Variants in MDGA2 observed in about 807,000 individuals in gnomAD.
MDGA2 encodes the protein MAM domain-containing glycosylphosphatidylinositol anchor protein 2.
A neutral mutation model predicts 117.8 loss-of-function variants in MDGA2; 40 were observed. The ratio of observed to expected loss-of-function variants is 0.34; its 90% confidence interval spans 0.26 to 0.44. MDGA2 has a LOEUF of 0.44. Among genes scored for constraint, MDGA2 ranks in the 20% least tolerant of loss-of-function variants. The pLI, the probability that MDGA2 is intolerant of heterozygous loss-of-function variation, is 1.00. For missense variants in MDGA2, 1,123 were observed against 1,250.6 expected (o/e 0.90, Z 1.54); for synonymous variants, 452 against 439.0 (o/e 1.03, Z -0.37).
intron 1 of MDGA2, among the ~76,000 whole-genome samples, chr14:47,564,527 A>G (rs945134205): frequency 2.6e-5 from 4 of 152,174 alleles, no homozygotes; most frequent in Admixed American, 6.5e-5. Flanking sequence ...ATTCACTACC[A>G]TGAAAGCAGT....
Position 47,269,963 on chromosome 14 carries a change from A to G in MDGA2, c.420+31448T>C, listed in dbSNP as rs558711487. The stretch of plus-strand genomic sequence containing the variant: ...TCCCTGTAGTTGTGATTATTACATT[A>G]TGACTTGATTACTAACTATTACTGC... On this transcript the variant is annotated intron_variant, in intron 2 of 16. Transcript: ENST00000399232. 3.0e-4 allele frequency among the ~76,000 whole-genome samples: 46 copies of G among 152,274 alleles called. 2 individuals are homozygous for G. In the South Asian group the frequency reaches 8.9e-3, roughly 30 times the overall value.
intron 1 of MDGA2, among the ~76,000 whole-genome samples, chr14:47,370,814 A>T (rs1322304648): frequency 6.6e-6 from 1 of 151,484 alleles, no homozygotes; most frequent in African/African-American, 2.4e-5. Context: ...CAAATAATAC[A>T]TCCTCTTCTG....
intron 6 of MDGA2, among the ~76,000 whole-genome samples, chr14:47,096,234 C>A (rs1374057679): frequency 6.6e-6 from 1 of 151,986 alleles, no homozygotes. Flanking sequence ...CACTACTCGA[C>A]CTATAAGACC....
Position 47,139,831 on chromosome 14 carries a change from CAT to C in MDGA2, c.792+4245_792+4246del, listed in dbSNP as rs576039938. ...ATATATATACACACATATATATACACATATATATATACACACATATATATACA... is the reference window on the plus strand; with the variant it reads ...ATATATATACACACATATATATACACATATATATACACACATATATATACA... On this transcript the variant is annotated intron_variant, in intron 4 of 16. Coordinates refer to ENST00000399232, the MANE Select transcript of MDGA2 (RefSeq NM_001113498.3). 1.3e-3 allele frequency among the ~76,000 whole-genome samples: 187 copies of C among 143,064 alleles called. 2 individuals carry two copies. The highest frequency in any genetic ancestry group is 4.0e-3 in the African/African-American group (153 of 38,590). 93.9% of individuals were successfully genotyped at this position (143,064 alleles called of 152,430 possible).
chr14:47,061,430 T>G lies in MDGA2; in HGVS notation c.1344A>C (p.Pro448=). The G allele has an allele frequency of 6.2e-7, 1 of 1,613,640 alleles. No homozygotes were observed. Among genetic ancestry groups the G allele is most frequent in the Non-Finnish European group, 8.5e-7 (1 of 1,179,650 alleles). Residue 448 remains proline (P), a synonymous_variant, in exon 7 of 17, where the codon CCA becomes CCC. Coordinates refer to ENST00000399232, the MANE Select transcript of MDGA2 (RefSeq NM_001113498.3). ...TGACCATCCGCTCAGAACTTCTTAA[T>G]GGACGACCATTTTTAAACCAACTAA... ...LTFSWFKNGR[P]LRSSERMVIT...
intron 1 of MDGA2, among the ~76,000 whole-genome samples, chr14:47,659,156 C>A (rs950767157): frequency 6.6e-6 from 1 of 152,186 alleles, no homozygotes; most frequent in African/African-American, 2.4e-5. Context: ...ATTCCTATTT[C>A]TCTAGGCTAA....
chr14:47,049,477 A>G (rs1005894145), intron 7 of MDGA2, among the ~76,000 whole-genome samples: 3 of 152,070 alleles, frequency 2.0e-5, no homozygotes, highest in Non-Finnish European at 4.4e-5. Flanking sequence ...GTAGTACTAT[A>G]TTAGTTTTTA....
chr14:46,873,743 T>A (rs1349468979), intron 13 of MDGA2, 152 bp from the exon 14 acceptor site: 3 of 668,118 alleles, frequency 4.5e-6, no homozygotes, highest in East Asian at 3.0e-5. Flanking sequence ...TATATGTAAC[T>A]AATAGTGGCT....
chr14:47,059,002 G>A, intron 7 of MDGA2: 1 of 997,776 alleles, frequency 1.0e-6, no homozygotes, highest in East Asian at 1.1e-4. Flanking sequence ...CCTGTCTTTG[G>A]GAGTGATAAA....
At chr14:47,395,576 C>G (rs1439100889) in intron 1 of MDGA2, among the ~76,000 whole-genome samples, 1 of 151,768 alleles carries the variant, frequency 6.6e-6, no homozygotes, top group African/African-American at 2.4e-5. Context: ...TGATGTTATT[C>G]AATATGAACT....
chr14:47,298,342 A>C (rs1008472781), intron 2 of MDGA2, among the ~76,000 whole-genome samples: 8 of 152,214 alleles, frequency 5.3e-5, no homozygotes, highest in Non-Finnish European at 1.5e-5. Flanking sequence ...ATACCATAAA[A>C]AAAATTAAAG....
intron 9 of MDGA2, among the ~76,000 whole-genome samples, chr14:46,952,762 G>A (rs1289715535): frequency 6.6e-6 from 1 of 151,956 alleles, no homozygotes; most frequent in Admixed American, 6.6e-5. Flanking sequence ...CCACAAATGT[G>A]TGATGATTTG....
chr14:47,389,238 A>C (rs1292125881), intron 1 of MDGA2, among the ~76,000 whole-genome samples: 1 of 152,172 alleles, frequency 6.6e-6, no homozygotes, highest in African/African-American at 2.4e-5. Context: ...GATCCATGAA[A>C]TGAAAAAATA....
intron 11 of MDGA2, among the ~76,000 whole-genome samples, chr14:46,878,968 A>G (rs1197604498): frequency 1.3e-5 from 2 of 152,114 alleles, no homozygotes; most frequent in Admixed American, 6.6e-5. Context: ...GAAAATTTGC[A>G]CAAACTTCTA....
intron 1 of MDGA2, among the ~76,000 whole-genome samples, chr14:47,375,536 C>T (rs80343223): frequency 6.6e-6 from 1 of 151,854 alleles, no homozygotes. Context: ...TAATGTCAGA[C>T]CTTAAAAAAA....
intron 1 of MDGA2, among the ~76,000 whole-genome samples, chr14:47,604,568 G>A (rs1324540926): frequency 2.8e-5 from 4 of 141,446 alleles, no homozygotes; most frequent in African/African-American, 1.1e-4. Context: ...GGCTTCAAGT[G>A]ATCCTCTAGT....
chr14:46,922,105 G>A (rs1884155873), intron 9 of MDGA2, among the ~76,000 whole-genome samples: 1 of 150,620 alleles, frequency 6.6e-6, no homozygotes, highest in Admixed American at 6.6e-5. Context: ...TAAAAAGGCG[G>A]GGGGGCAAAC....
intron 3 of MDGA2, among the ~76,000 whole-genome samples, chr14:47,175,452 TG>T (rs1158260444): frequency 1.3e-5 from 2 of 148,808 alleles, no homozygotes; most frequent in African/African-American, 5.0e-5. Context: ...TTATCCACCA[TG>T]ATCAAGTGGG....
intron 8 of MDGA2, among the ~76,000 whole-genome samples, chr14:46,999,841 A>T (rs1887439681): frequency 6.6e-6 from 1 of 152,036 alleles, no homozygotes; most frequent in South Asian, 2.1e-4. Flanking sequence ...GGGCACACAT[A>T]CCTAACAAAT....
Sources: gnomAD v4.1 joint callset for allele counts (sites outside exome capture counted in the v4.1 genomes callset) on GRCh38, gnomAD v4.1.1 for gene constraint, MANE v1.5 for transcripts, NCBI Gene and HGNC (gene_info 2026-07-23, HGNC 2026-07-21) for gene names.